The following DNAH11 variants were observed in gnomAD, a reference collection of about 807,000 sequenced individuals.
The protein encoded by DNAH11 is axonemal beta dynein heavy chain 11.
In DNAH11, 442 loss-of-function variants were observed where a neutral mutation model predicts 526.0. The observed-to-expected ratio is 0.84, with a 90% CI of 0.78 to 0.91. DNAH11 has a LOEUF of 0.91. DNAH11 is among the 40% of genes least tolerant of loss of function. The pLI is 0.00. For synonymous variants in DNAH11, 2,461 were observed against 1,935.9 expected (o/e 1.27, Z -7.12); for missense variants, 6,989 against 5,448.7 (o/e 1.28, Z -8.90).
chr7:21,856,952 A>G (rs1782875516), intron 68 of DNAH11, among the ~76,000 whole-genome samples: 1 of 152,228 alleles, frequency 6.6e-6, no homozygotes, highest in Non-Finnish European at 1.5e-5. Context: ...CAGCACATCT[A>G]TTCAGCGCTG....
chr7:21,805,132 G>A (rs559782721), intron 62 of DNAH11, among the ~76,000 whole-genome samples: 11 of 152,214 alleles, frequency 7.2e-5, no homozygotes, highest in African/African-American at 2.2e-4. Context: ...CTACATAAAA[G>A]AGCCTTCATC....
chr7:21,767,572 T>C (rs1473105142), intron 55 of DNAH11, among the ~76,000 whole-genome samples: 13 of 152,188 alleles, frequency 8.5e-5, no homozygotes, highest in Admixed American at 8.5e-4. Context: ...GAGTGCCAAA[T>C]AGGAATTTTA....
intron 52 of DNAH11, 61 bp downstream of exon 52, chr7:21,748,803 C>T: frequency 6.5e-7 from 1 of 1,526,738 alleles, no homozygotes; most frequent in South Asian, 1.3e-5. Context: ...AGCCGAGGCT[C>T]CTAGTGCGCC....
chr7:21,738,948 A>G (rs1785745714), intron 47 of DNAH11, 82 bp downstream of exon 47: 1 of 1,164,992 alleles, frequency 8.6e-7, no homozygotes, highest in Non-Finnish European at 1.2e-6. Context: ...AATAATTATT[A>G]TGAATAATTA....
At chr7:21,545,697 T>C (rs1416231932) in intron 2 of DNAH11, among the ~76,000 whole-genome samples, 2 of 152,236 alleles carry the variant, frequency 1.3e-5, no homozygotes, top group Admixed American at 6.5e-5. Context: ...CTTCAACCAA[T>C]GTTACTGACA....
At chr7:21,689,277 T>C (rs1001443476) in intron 34 of DNAH11, among the ~76,000 whole-genome samples, 3 of 152,234 alleles carry the variant, frequency 2.0e-5, no homozygotes, top group African/African-American at 7.2e-5. Flanking sequence ...TCCTTTCTTA[T>C]GGAGATTTAT....
At chr7:21,667,830 C>T (rs1462530123) in intron 30 of DNAH11, among the ~76,000 whole-genome samples, 1 of 152,018 alleles carries the variant, frequency 6.6e-6, no homozygotes, top group Non-Finnish European at 1.5e-5. Flanking sequence ...ATGGATGTTT[C>T]TCTATGAATA....
rs549511082 is a variant in DNAH11, at chr7:21,883,829, C to T, written c.12388-462C>T. On this transcript the variant is annotated intron_variant, in intron 75 of 81. Coordinates refer to ENST00000409508, the MANE Select transcript of DNAH11 (RefSeq NM_001277115.2). ...GCCAAGGAGGAAGGATGGCTTGAGGCCAGGAATTCGAGACCAACCTGGACA... is the reference window on the plus strand; with the variant it reads ...GCCAAGGAGGAAGGATGGCTTGAGGTCAGGAATTCGAGACCAACCTGGACA... 1.1e-3 allele frequency among the ~76,000 whole-genome samples: 164 copies of T among 152,208 alleles called. 2 individuals carry two copies. The highest frequency in any genetic ancestry group is 3.8e-3 in the African/African-American group (158 of 41,540).
chr7:21,865,388 A>G (rs780031557), intron 70 of DNAH11, among the ~76,000 whole-genome samples: 3 of 152,216 alleles, frequency 2.0e-5, no homozygotes, highest in Non-Finnish European at 4.4e-5. Flanking sequence ...TCAAATGTGT[A>G]TCAGTCAGGG....
intron 31 of DNAH11, 43 bp downstream of exon 31, chr7:21,681,720 T>C (rs1783147644): frequency 3.7e-6 from 6 of 1,611,038 alleles, no homozygotes; most frequent in Non-Finnish European, 4.2e-6. Flanking sequence ...TATTGTTTCC[T>C]GAAAGTGGTG....
At chr7:21,830,604 C>G (rs921112780) in intron 65 of DNAH11, among the ~76,000 whole-genome samples, 1 of 152,108 alleles carries the variant, frequency 6.6e-6, no homozygotes, top group Non-Finnish European at 1.5e-5. Context: ...TACTAGGAGT[C>G]TAGAGACCCA....
chr7:21,624,801 A>G (rs1786253912), intron 25 of DNAH11, among the ~76,000 whole-genome samples: 1 of 152,086 alleles, frequency 6.6e-6, no homozygotes, highest in African/African-American at 2.4e-5. Context: ...ATATATTCAG[A>G]TGTTCATATC....
At chr7:21,778,088 T>C (rs1787756678) in intron 56 of DNAH11, among the ~76,000 whole-genome samples, 1 of 152,220 alleles carries the variant, frequency 6.6e-6, no homozygotes, top group African/African-American at 2.4e-5. Context: ...TGAGTCATGT[T>C]TTTTTTCTCT....
At chr7:21,657,117 C>T (rs1782046415) in intron 29 of DNAH11, among the ~76,000 whole-genome samples, 2 of 152,182 alleles carry the variant, frequency 1.3e-5, no homozygotes, top group South Asian at 4.1e-4. Context: ...GACTTGTAAA[C>T]ATATACAAAT....
chr7:21,852,451 T>C lies in DNAH11; in HGVS notation c.10897-16T>C, dbSNP rs1353785585. On this transcript the variant is annotated splice_polypyrimidine_tract_variant and intron_variant, in intron 66 of 81. Coordinates refer to ENST00000409508, the MANE Select transcript of DNAH11 (RefSeq NM_001277115.2). ...ACTTAACCACCATTTCCCACACTTT[T>C]CTTGGTTTTTATTAGTTGGTATTGA... The C allele has an allele frequency of 3.1e-6, 5 of 1,602,228 alleles. No homozygotes were observed. Among genetic ancestry groups the C allele is most frequent in the East Asian group, 2.2e-5 (1 of 44,848 alleles).
At chr7:21,554,232 G>A (rs1783135782) in intron 2 of DNAH11, among the ~76,000 whole-genome samples, 1 of 149,746 alleles carries the variant, frequency 6.7e-6, no homozygotes, top group African/African-American at 2.5e-5. Context: ...GGAGTGCAGT[G>A]GTGCAATCTT....
chr7:21,560,245 A>G (rs945887381), intron 4 of DNAH11, among the ~76,000 whole-genome samples: 1 of 152,106 alleles, frequency 6.6e-6, no homozygotes, highest in Non-Finnish European at 1.5e-5. Context: ...GATTTTCTGA[A>G]ACAGAAATTT....
chr7:21,551,829 A>G (rs1398373156), intron 2 of DNAH11, among the ~76,000 whole-genome samples: 1 of 151,944 alleles, frequency 6.6e-6, no homozygotes, highest in Non-Finnish European at 1.5e-5. Flanking sequence ...ATAGGAAACC[A>G]GCTGGATTTA....
chr7:21,590,648 A>T (rs564714962), intron 12 of DNAH11, among the ~76,000 whole-genome samples: 1 of 152,348 alleles, frequency 6.6e-6, no homozygotes, highest in South Asian at 2.1e-4. Flanking sequence ...TGACATAGTT[A>T]ACTGAGGATT....
Sources: allele counts gnomAD v4.1 joint callset (sites outside exome capture counted in the v4.1 genomes callset), GRCh38; gene constraint gnomAD v4.1.1; transcripts MANE v1.5; gene names NCBI Gene and HGNC (gene_info 2026-07-23, HGNC 2026-07-21).